Variants in PDE1A observed in about 807,000 individuals in gnomAD.
The protein encoded by PDE1A is dual specificity calcium/calmodulin-dependent 3',5'-cyclic nucleotide phosphodiesterase 1A.
PDE1A carries 35 observed loss-of-function variants against 61.7 expected under a neutral mutation model. That is an observed-to-expected ratio of 0.57 (90% CI 0.43 to 0.75). The LOEUF (loss-of-function observed/expected upper bound fraction) is 0.75. Among genes scored for constraint, PDE1A ranks in the 30% least tolerant of loss-of-function variants. The pLI, the probability that PDE1A is intolerant of heterozygous loss-of-function variation, is 0.00. For missense variants in PDE1A, 597 were observed against 630.6 expected (o/e 0.95, Z 0.57); for synonymous variants, 232 against 213.2 (o/e 1.09, Z -0.77).
chr2:182,492,007 T>C (rs968483996), intron 2 of PDE1A, among the ~76,000 whole-genome samples: 4 of 152,140 alleles, frequency 2.6e-5, no homozygotes, highest in Non-Finnish European at 5.9e-5. Context: ...ACCTTTATTA[T>C]TATTGCCATG....
At chr2:182,707,496 T>A in the PDE1A span, among the ~76,000 whole-genome samples, 2 of 152,266 alleles carry the variant, frequency 1.3e-5, no homozygotes, top group Middle Eastern at 3.4e-3. Flanking sequence ...ATAAAGGAAC[T>A]GTGAGAACAA....
the PDE1A span, among the ~76,000 whole-genome samples, chr2:182,650,857 C>T: frequency 1.3e-5 from 2 of 152,152 alleles, no homozygotes; most frequent in Admixed American, 6.5e-5. Context: ...CAAGATCTTG[C>T]GTAAGAATTC....
chr2:182,249,911 C>A (rs189134515), intron 2 of PDE1A, among the ~76,000 whole-genome samples: 39 of 152,210 alleles, frequency 2.6e-4, no homozygotes, highest in African/African-American at 8.4e-4. Flanking sequence ...CATAATACCA[C>A]CATGAGAAAG....
chr2:182,480,067 T>C (rs766821653), intron 2 of PDE1A, among the ~76,000 whole-genome samples: 2 of 151,982 alleles, frequency 1.3e-5, no homozygotes, highest in African/African-American at 2.4e-5. Context: ...AGAACAGTAA[T>C]CACAAAAACA....
At chr2:182,146,049 TCTTTA>T, downstream of PDE1A, among the ~76,000 whole-genome samples, 1 of 152,208 alleles carries the variant, frequency 6.6e-6, no homozygotes, top group Non-Finnish European at 1.5e-5. Context: ...TGGATTTTGT[TCTTTA>T]CTTCTTCTTA....
At chr2:182,188,654 T>TATCTAAAGAATTAAATTACAGAAAAC (rs1685445780) in intron 11 of PDE1A, among the ~76,000 whole-genome samples, 1 of 152,222 alleles carries the variant, frequency 6.6e-6, no homozygotes, top group East Asian at 1.9e-4. Flanking sequence ...TTGACCTATA[T>TATCTAAAGAATTAAATTACAGAAAAC]ATCTAAAGAA....
Position 182,511,353 on chromosome 2 carries a change from G to C in PDE1A, c.101+10923C>G, listed in dbSNP as rs568791095. On this transcript the variant is annotated intron_variant, in intron 2 of 14. Transcript: ENST00000410103. ...GAAGAGAAAGGAGGCTGCGAATGCT[G>C]TATGGGATTGCCAAGCACCAGGACT... Among the ~76,000 whole-genome samples, 200 of 152,138 alleles carry C rather than the reference G, an allele frequency of 1.3e-3. 1 individual carries two copies. The highest frequency in any genetic ancestry group is 4.5e-3 in the African/African-American group (185 of 41,496).
chr2:182,683,236 C>T, the PDE1A span, among the ~76,000 whole-genome samples: 4 of 151,632 alleles, frequency 2.6e-5, no homozygotes, highest in South Asian at 2.1e-4. Flanking sequence ...GGATTACAGG[C>T]GTGCTGTAAT....
chr2:182,572,629 T>A, the PDE1A span, among the ~76,000 whole-genome samples: 1 of 151,998 alleles, frequency 6.6e-6, no homozygotes, highest in Non-Finnish European at 1.5e-5. Flanking sequence ...ACGCGAGTAA[T>A]TCCAGCTGAG....
the PDE1A span, among the ~76,000 whole-genome samples, chr2:182,602,772 G>A: frequency 6.6e-6 from 1 of 152,052 alleles, no homozygotes; most frequent in Non-Finnish European, 1.5e-5. Context: ...AATTAATAGA[G>A]GAGAAGATAA....
intron 2 of PDE1A, among the ~76,000 whole-genome samples, chr2:182,488,398 C>A (rs1203168186): frequency 6.6e-6 from 1 of 151,898 alleles, no homozygotes; most frequent in Non-Finnish European, 1.5e-5. Flanking sequence ...TAAGTGATTA[C>A]AAATAAGCTA....
chr2:182,413,651 G>T (rs981988212), intron 1 of PDE1A, among the ~76,000 whole-genome samples: 1 of 152,162 alleles, frequency 6.6e-6, no homozygotes, highest in African/African-American at 2.4e-5. Context: ...ACAATTTACT[G>T]AAAACTTTCA....
chr2:182,203,816 G>T (rs1438076475), intron 8 of PDE1A, among the ~76,000 whole-genome samples: 1 of 151,712 alleles, frequency 6.6e-6, no homozygotes, highest in African/African-American at 2.4e-5. Flanking sequence ...TCTTTAAGAA[G>T]ATATCCATAT....
chr2:182,200,801 G>A (rs576412042), intron 10 of PDE1A, among the ~76,000 whole-genome samples: 2 of 152,300 alleles, frequency 1.3e-5, no homozygotes, highest in East Asian at 3.9e-4. Context: ...GGAAGACTGA[G>A]CCCTTAATTT....
chr2:182,697,734 G>A, the PDE1A span, among the ~76,000 whole-genome samples: 5 of 152,328 alleles, frequency 3.3e-5, no homozygotes, highest in South Asian at 1.0e-3. Flanking sequence ...AGTGACACTT[G>A]GATTCCAAAG....
the PDE1A span, among the ~76,000 whole-genome samples, chr2:182,627,903 C>T: frequency 2.0e-5 from 3 of 146,878 alleles, no homozygotes; most frequent in African/African-American, 7.5e-5. Flanking sequence ...GAGATCATGC[C>T]ACTGCACTCC....
the PDE1A span, among the ~76,000 whole-genome samples, chr2:182,698,169 T>G: frequency 1.3e-5 from 2 of 152,216 alleles, no homozygotes; most frequent in Non-Finnish European, 2.9e-5. Context: ...TGACATGCCC[T>G]GTTGCCATTC....
At position 182,160,988 on chromosome 2, in the gene PDE1A, G is replaced by C. The variant is rs537879951; in HGVS notation, c.1517-13836C>G. On this transcript the variant is annotated intron_variant, in intron 13 of 13. Transcript: ENST00000409365. The stretch of plus-strand genomic sequence containing the variant: ...GATACACAAAATAAAGGCACTTGAT[G>C]CTTCTAATTCACCACTTTCAGGAGG... Among the ~76,000 whole-genome samples, 6 of 152,294 alleles carry C rather than the reference G, an allele frequency of 3.9e-5. No homozygotes were observed. The South Asian group carries it at 1.2e-3, about 32-fold the overall frequency.
intron 2 of PDE1A, among the ~76,000 whole-genome samples, chr2:182,491,076 T>G (rs1333596084): frequency 6.6e-6 from 1 of 152,196 alleles, no homozygotes; most frequent in Non-Finnish European, 1.5e-5. Context: ...GCCATTACTT[T>G]TAATGATTTT....
Sources: allele counts gnomAD v4.1 joint callset (sites outside exome capture counted in the v4.1 genomes callset), GRCh38; gene constraint gnomAD v4.1.1; transcripts MANE v1.5; gene names NCBI Gene and HGNC (gene_info 2026-07-23, HGNC 2026-07-21).